The following TSPAN7 variants were observed in gnomAD, a reference collection of about 807,000 sequenced individuals.
TSPAN7 encodes tetraspanin-7.
TSPAN7 carries 1 observed loss-of-function variant against 17.6 expected under a neutral mutation model. The observed-to-expected ratio is 0.06, with a 90% CI of 0.02 to 0.27. The LOEUF (loss-of-function observed/expected upper bound fraction) is 0.27, where lower values mean the gene tolerates loss of function less well. Ranked by LOEUF, TSPAN7 falls within the 10% of genes least tolerant of loss-of-function variation. The pLI is 1.00. For synonymous variants in TSPAN7, 78 were observed against 79.0 expected, an observed-to-expected ratio of 0.99 and a Z score of 0.07; for missense variants, 112 against 201.7, an observed-to-expected ratio of 0.56 and a Z score of 2.69.
chrX:38,666,165 T>C lies in TSPAN7; in HGVS notation c.126T>C (p.Leu42=). The stretch of plus-strand genomic sequence containing the variant: ...TGGCTGTTGGAGTCTGGGGCAAACT[T>C]ACTCTGGGCACCTATATCTCCCTTA... The part of the protein sequence containing the change: ...ILLAVGVWGK[L]TLGTYISLIA... The change falls in exon 2 of 8, where the codon CTT becomes CTC. Residue 42 remains leucine (L), a synonymous_variant. Transcript: ENST00000378482. 8.3e-7 allele frequency: 1 copy of C among 1,211,159 alleles called. No homozygotes were observed. Among genetic ancestry groups the C allele is most frequent in the Non-Finnish European group, 1.1e-6 (1 of 895,359 alleles).
At chrX:38,605,244 C>T (rs1173740346) in intron 1 of TSPAN7, among the ~76,000 whole-genome samples, 5 of 111,037 alleles carry the variant, frequency 4.5e-5, no homozygotes, top group Non-Finnish European at 9.4e-5. Flanking sequence ...GCAAAAATCA[C>T]AAGCATTCTT....
chrX:38,627,564 G>T (rs1185350912), intron 1 of TSPAN7, among the ~76,000 whole-genome samples: 2 of 111,925 alleles, frequency 1.8e-5, no homozygotes, highest in African/African-American at 6.5e-5. Context: ...CTGCCAGGTA[G>T]CTAGTCCCCA....
intron 1 of TSPAN7, among the ~76,000 whole-genome samples, chrX:38,624,458 G>A (rs2069509181): frequency 8.9e-6 from 1 of 112,272 alleles, no homozygotes; most frequent in Non-Finnish European, 1.9e-5. Context: ...TATGTTAACA[G>A]TCGAGAGACT....
At chrX:38,584,482 C>T (rs1292292670) in intron 1 of TSPAN7, among the ~76,000 whole-genome samples, 3 of 111,497 alleles carry the variant, frequency 2.7e-5, no homozygotes, top group African/African-American at 9.8e-5. Context: ...TATATCTAAA[C>T]TTGAAAATTT....
rs181409363 is a variant in TSPAN7 at position 38,621,443 on chromosome X, G to T, written c.82-44678G>T. On this transcript the variant is annotated intron_variant, in intron 1 of 7. Coordinates refer to ENST00000378482, the MANE Select transcript of TSPAN7 (RefSeq NM_004615.4). ...TATATGAGAAGAGTGGCAGACCACA[G>T]CTTTTGACGGGGATTTTTGAATAAA... Among the ~76,000 whole-genome samples the T allele has an allele frequency of 1.5e-3, 169 of 112,113 alleles. 2 individuals are homozygous for T. The highest frequency in any genetic ancestry group is 5.2e-3 in the African/African-American group (160 of 30,869).
At chrX:38,648,976 G>A (rs917061293) in intron 1 of TSPAN7, among the ~76,000 whole-genome samples, 4 of 110,408 alleles carry the variant, frequency 3.6e-5, no homozygotes, top group Non-Finnish European at 7.6e-5. Context: ...TGTTAGGTAA[G>A]GAGGGTCCCT....
chrX:38,597,171 C>T (rs1336228518), intron 1 of TSPAN7, among the ~76,000 whole-genome samples: 2 of 111,341 alleles, frequency 1.8e-5, no homozygotes, highest in African/African-American at 6.5e-5. Flanking sequence ...ACCCCCAAAT[C>T]GGTACTTCTG....
At chrX:38,629,915 A>T (rs1346590684) in intron 1 of TSPAN7, among the ~76,000 whole-genome samples, 1 of 111,587 alleles carries the variant, frequency 9.0e-6, no homozygotes, top group Non-Finnish European at 1.9e-5. Context: ...AAAGGTATTG[A>T]CTTTTATTTT....
chrX:38,659,001 TAC>T (rs71903430), intron 1 of TSPAN7, among the ~76,000 whole-genome samples: 14,051 of 95,909 alleles, frequency 0.15, 855 homozygotes, highest in African/African-American at 0.17. Context: ...TTATCTTCCA[TAC>T]ACACACACAC....
chrX:38,626,955 C>A (rs945454599), intron 1 of TSPAN7, among the ~76,000 whole-genome samples: 1 of 111,243 alleles, frequency 9.0e-6, no homozygotes, highest in Non-Finnish European at 1.9e-5. Context: ...TGTATCTCAT[C>A]TTTCTTCTGG....
chrX:38,680,776 G>A (rs2069885439), intron 5 of TSPAN7, among the ~76,000 whole-genome samples: 1 of 111,544 alleles, frequency 9.0e-6, no homozygotes, highest in Admixed American at 9.5e-5. Flanking sequence ...ATGATCCTGA[G>A]ATTTCCTGTT....
intron 1 of TSPAN7, chrX:38,566,407 G>T (rs2069144006): frequency 1.3e-6 from 1 of 785,652 alleles, no homozygotes; most frequent in Non-Finnish European, 1.6e-6. Flanking sequence ...GCTTATAGTA[G>T]GTTTACTCAC....
At chrX:38,607,496 T>G (rs930384004) in intron 1 of TSPAN7, among the ~76,000 whole-genome samples, 6 of 111,180 alleles carry the variant, frequency 5.4e-5, no homozygotes, top group African/African-American at 2.0e-4. Context: ...GGAGAGCTAG[T>G]AAACATGCAG....
intron 1 of TSPAN7, among the ~76,000 whole-genome samples, chrX:38,639,518 T>C (rs1022466423): frequency 7.0e-5 from 7 of 100,336 alleles, no homozygotes; most frequent in Admixed American, 6.8e-4. Flanking sequence ...AGGCCCTAGT[T>C]TGAATCCCAC....
chrX:38,680,636 G>A (rs1364630111), intron 5 of TSPAN7, among the ~76,000 whole-genome samples: 2 of 104,927 alleles, frequency 1.9e-5, no homozygotes, highest in African/African-American at 7.0e-5. Flanking sequence ...AATCCTAATG[G>A]TCTCATTAGG....
chrX:38,648,365 CAT>C (rs1345271629), intron 1 of TSPAN7, among the ~76,000 whole-genome samples: 1 of 112,274 alleles, frequency 8.9e-6, no homozygotes, highest in African/African-American at 3.2e-5. Flanking sequence ...TGCATCACTA[CAT>C]GTGTCCCCTC....
intron 1 of TSPAN7, among the ~76,000 whole-genome samples, chrX:38,658,993 A>G (rs1252103169): frequency 1.1e-5 from 1 of 88,485 alleles, no homozygotes. Context: ...AACATGTATT[A>G]TCTTCCATAC....
intron 6 of TSPAN7, among the ~76,000 whole-genome samples, chrX:38,682,723 G>T (rs952098832): frequency 1.8e-5 from 2 of 112,110 alleles, no homozygotes; most frequent in Admixed American, 9.5e-5. Flanking sequence ...CCAGAGTGGG[G>T]TCACAAACAA....
intron 1 of TSPAN7, among the ~76,000 whole-genome samples, chrX:38,665,207 A>G (rs1383643979): frequency 8.9e-6 from 1 of 111,917 alleles, no homozygotes; most frequent in African/African-American, 3.2e-5. Context: ...CAAACTGGAG[A>G]TGGTCTTTCT....
Sources: gnomAD v4.1 joint callset for allele counts (sites outside exome capture counted in the v4.1 genomes callset) on GRCh38, gnomAD v4.1.1 for gene constraint, MANE v1.5 for transcripts, NCBI Gene and HGNC (gene_info 2026-07-23, HGNC 2026-07-21) for gene names.